CLIP2: variants seen among roughly 807,000 people sequenced by gnomAD.
CLIP2 encodes the protein CAP-Gly domain containing linker protein 2.
CLIP2 carries 41 observed loss-of-function variants against 111.7 expected under a neutral mutation model. That is an observed-to-expected ratio of 0.37 (90% CI 0.29 to 0.48). CLIP2 has a LOEUF of 0.48. Among genes scored for constraint, CLIP2 ranks in the 20% least tolerant of loss-of-function variants. The pLI is 0.99. For missense variants in CLIP2, 1,160 were observed against 1,422.1 expected (o/e 0.82, Z 2.96); for synonymous variants, 660 against 644.2 (o/e 1.02, Z -0.37).
intron 10 of CLIP2, among the ~76,000 whole-genome samples, chr7:74,379,779 A>T (rs1007428668): frequency 9.3e-5 from 14 of 150,604 alleles, no homozygotes; most frequent in Non-Finnish European, 1.5e-4. Flanking sequence ...AAATAATAAT[A>T]AAAAAACCCC....
chr7:74,351,019 G>A (rs370860009), intron 3 of CLIP2, among the ~76,000 whole-genome samples: 3 of 98,004 alleles, frequency 3.1e-5, no homozygotes, highest in African/African-American at 1.0e-4. Context: ...AAAGAAGGAA[G>A]GAAAGGGAAG....
At chr7:74,301,354 A>T (rs1317137789) in intron 1 of CLIP2, among the ~76,000 whole-genome samples, 2 of 149,468 alleles carry the variant, frequency 1.3e-5, no homozygotes, top group African/African-American at 2.4e-5. Context: ...CTATTGTGTG[A>T]ACAAACCACA....
At chr7:74,365,555 T>C (rs781950310) in intron 8 of CLIP2, among the ~76,000 whole-genome samples, 37 of 152,156 alleles carry the variant, frequency 2.4e-4, no homozygotes, top group Non-Finnish European at 4.7e-4. Context: ...GCTGGCTGGC[T>C]CTGGATAGGG....
intron 3 of CLIP2, among the ~76,000 whole-genome samples, chr7:74,341,019 G>C (rs1789644997): frequency 6.6e-6 from 1 of 152,092 alleles, no homozygotes; most frequent in South Asian, 2.1e-4. Context: ...GGTTTCTCCT[G>C]GAGGTTTCTG....
chr7:74,397,031 G>A (rs1791470126), intron 13 of CLIP2, 43 bp from the exon 14 acceptor site: 2 of 1,600,772 alleles, frequency 1.2e-6, no homozygotes, highest in Non-Finnish European at 1.7e-6. Context: ...AGCTGGAGGA[G>A]CCAGGGCTGA....
At chr7:74,362,528 CTTTTTT>C (rs3044338) in intron 7 of CLIP2, among the ~76,000 whole-genome samples, 77 of 121,952 alleles carry the variant, frequency 6.3e-4, no homozygotes, top group African/African-American at 1.9e-3. Flanking sequence ...TTTTTCTTTT[CTTTTTT>C]TTTTTTTTTT....
intron 3 of CLIP2, among the ~76,000 whole-genome samples, chr7:74,350,681 A>T (rs937671521): frequency 2.2e-4 from 34 of 152,066 alleles, no homozygotes; most frequent in African/African-American, 8.2e-4. Context: ...GCTGGGCAAC[A>T]TAGTGAGCTC....
intron 1 of CLIP2, among the ~76,000 whole-genome samples, chr7:74,304,239 T>C (rs1788416239): frequency 1.3e-5 from 2 of 151,928 alleles, no homozygotes; most frequent in African/African-American, 4.8e-5. Flanking sequence ...AAAAAAATGA[T>C]TAAGAAGCCG....
At chr7:74,330,610 C>G (rs1190608668) in intron 2 of CLIP2, among the ~76,000 whole-genome samples, 8 of 152,094 alleles carry the variant, frequency 5.3e-5, no homozygotes, top group Admixed American at 5.3e-4. Flanking sequence ...TTCCCCTACC[C>G]CCAGGCCACC....
At chr7:74,386,892 A>G (rs1484175603) in intron 12 of CLIP2, among the ~76,000 whole-genome samples, 1 of 151,914 alleles carries the variant, frequency 6.6e-6, no homozygotes, top group African/African-American at 2.4e-5. Context: ...GCATGGTGGC[A>G]TGCACCTGTA....
intron 13 of CLIP2, among the ~76,000 whole-genome samples, chr7:74,394,802 A>G (rs1275700776): frequency 6.6e-6 from 1 of 152,192 alleles, no homozygotes; most frequent in Admixed American, 6.5e-5. Context: ...TCCAGTAGGA[A>G]CAAACCAGCC....
chr7:74,362,445 A>G (rs1554309944), intron 7 of CLIP2, among the ~76,000 whole-genome samples: 4 of 151,768 alleles, frequency 2.6e-5, no homozygotes, highest in Non-Finnish European at 4.4e-5. Context: ...TTTGCCTGAG[A>G]CAGCCATAGT....
chr7:74,326,925 C>T (rs149684966), intron 2 of CLIP2, among the ~76,000 whole-genome samples: 2 of 151,072 alleles, frequency 1.3e-5, no homozygotes, highest in Non-Finnish European at 2.9e-5. Flanking sequence ...CCTGGGTCAC[C>T]GTGCCTGGCC....
chr7:74,359,329 G>T, intron 6 of CLIP2, among the ~76,000 whole-genome samples: 1 of 127,772 alleles, frequency 7.8e-6, no homozygotes, highest in Non-Finnish European at 1.7e-5. Context: ...TTTAATGTAT[G>T]ACTGTCTACA....
At chr7:74,395,101 C>A (rs1791408569) in intron 13 of CLIP2, among the ~76,000 whole-genome samples, 1 of 152,168 alleles carries the variant, frequency 6.6e-6, no homozygotes, top group African/African-American at 2.4e-5. Context: ...AGCCTCCTTC[C>A]ATCCTTCAGT....
rs1789530536 is a variant in CLIP2, at chr7:74,338,149, C to T, written c.122-299C>T. On this transcript the variant is annotated intron_variant, in intron 2 of 16. Coordinates refer to ENST00000223398, the MANE Select transcript of CLIP2 (RefSeq NM_003388.5). This position sits in a 1 kb window ranked among gnomAD's most constrained non-coding sequence, Gnocchi z 4.3. ...CCCAGGAAGTCAAGACTGCAGTGAGCCACCATATCGCCAATGCACTCTAGT... is the reference window on the plus strand; with the variant it reads ...CCCAGGAAGTCAAGACTGCAGTGAGTCACCATATCGCCAATGCACTCTAGT... Among the ~76,000 whole-genome samples the T allele has an allele frequency of 6.6e-6, 1 of 152,098 alleles. No homozygotes were observed. Among genetic ancestry groups the T allele is most frequent in the African/African-American group, 2.4e-5 (1 of 41,414 alleles).
chr7:74,322,570 C>T (rs533979015), intron 2 of CLIP2, among the ~76,000 whole-genome samples: 3 of 151,980 alleles, frequency 2.0e-5, no homozygotes, highest in South Asian at 2.1e-4. Context: ...AGTGAGACTC[C>T]GTCTCAAAAA....
chr7:74,327,494 C>T (rs1286920846), intron 2 of CLIP2, among the ~76,000 whole-genome samples: 4 of 152,160 alleles, frequency 2.6e-5, no homozygotes, highest in African/African-American at 9.6e-5. Context: ...CGAGGTGGGG[C>T]CCCCACCCCC....
chr7:74,306,431 G>A (rs80025312), intron 1 of CLIP2, among the ~76,000 whole-genome samples: 1,725 of 152,226 alleles, frequency 0.011, 83 homozygotes, highest in Admixed American at 0.077. Flanking sequence ...AGAGAGCCAC[G>A]TCCGGGGTCT....
Sources: gnomAD v4.1 joint callset for allele counts (sites outside exome capture counted in the v4.1 genomes callset) on GRCh38, gnomAD v4.1.1 for gene constraint, Gnocchi (gnomAD v3.1) non-coding constraint, MANE v1.5 for transcripts, NCBI Gene and HGNC (gene_info 2026-07-23, HGNC 2026-07-21) for gene names.